RGL1: variants seen among roughly 807,000 people sequenced by gnomAD.
RGL1 encodes the protein ral guanine nucleotide dissociation stimulator-like 1.
In RGL1, 24 loss-of-function variants were observed where a neutral mutation model predicts 95.2. The observed-to-expected ratio is 0.25, with a 90% CI of 0.18 to 0.35. RGL1 has a LOEUF of 0.35. RGL1 is among the 10% of genes least tolerant of loss of function. The probability of loss-of-function intolerance (pLI) is 1.00; values close to 1 mark genes in which losing one functional copy is unlikely to be tolerated. For synonymous variants in RGL1, 329 were observed against 344.9 expected, an observed-to-expected ratio of 0.95 and a Z score of 0.51; for missense variants, 715 against 936.3, an observed-to-expected ratio of 0.76 and a Z score of 3.08.
At chr1:183,826,886 A>G (rs1031741566) in intron 2 of RGL1, among the ~76,000 whole-genome samples, 4 of 152,120 alleles carry the variant, frequency 2.6e-5, no homozygotes, top group Non-Finnish European at 5.9e-5. Flanking sequence ...ATGAATGACC[A>G]TTATTATGTG....
chr1:183,826,152 C>A (rs1316004608), intron 2 of RGL1, among the ~76,000 whole-genome samples: 1 of 151,830 alleles, frequency 6.6e-6, no homozygotes, highest in African/African-American at 2.4e-5. Context: ...CTCCCTGGTT[C>A]ATGCCATTCT....
chr1:183,680,621 G>T lies in RGL1; in HGVS notation c.-33+44120G>T, dbSNP rs1653148294. Among the ~76,000 whole-genome samples the T allele has an allele frequency of 3.3e-5, 5 of 152,124 alleles. No homozygotes were observed. In the South Asian group the frequency reaches 1.0e-3, roughly 31 times the overall value. The stretch of plus-strand genomic sequence containing the variant: ...GAAGTCAGGTAGCGTGATGCCTCCA[G>T]CTTTGTTCTTTTTGCTTAGGATTGT... On this transcript the variant is annotated intron_variant, in intron 1 of 18. Coordinates refer to the RGL1 transcript ENST00000304685.
chr1:183,672,420 A>G (rs1475061239), intron 1 of RGL1, among the ~76,000 whole-genome samples: 1 of 151,928 alleles, frequency 6.6e-6, no homozygotes. Context: ...CTCTTTTCCC[A>G]TCTTTTGGAA....
At chr1:183,648,849 A>G in intron 1 of RGL1, 1 of 1,287,134 alleles carries the variant, frequency 7.8e-7, no homozygotes, top group African/African-American at 1.5e-5. Flanking sequence ...AAACCAGCGC[A>G]GGAAAAACTG....
At chr1:183,667,034 C>T (rs187187025) in intron 1 of RGL1, among the ~76,000 whole-genome samples, 71 of 152,304 alleles carry the variant, frequency 4.7e-4, no homozygotes, top group Middle Eastern at 3.4e-3. Flanking sequence ...TGTTGTTAGG[C>T]ACACACACAT....
chr1:183,906,987 C>T, intron 13 of RGL1, 25 bp from the exon 14 acceptor site: 1 of 1,397,256 alleles, frequency 7.2e-7, no homozygotes, highest in South Asian at 1.2e-5. Context: ...ACTTTGACCT[C>T]ATGGAGCCCC....
At chr1:183,791,840 G>A (rs904870357) in intron 2 of RGL1, among the ~76,000 whole-genome samples, 31 of 151,936 alleles carry the variant, frequency 2.0e-4, no homozygotes, top group African/African-American at 5.1e-4. Context: ...CCTCTTGCTC[G>A]TTTCCCTGAT....
chr1:183,916,359 T>G, intron 15 of RGL1, 88 bp from the exon 16 acceptor site: 2 of 1,494,422 alleles, frequency 1.3e-6, no homozygotes, highest in Non-Finnish European at 1.8e-6. Context: ...AGTCTATCAG[T>G]CTTGATATCT....
At chr1:183,642,032 T>C (rs188717993) in intron 1 of RGL1, among the ~76,000 whole-genome samples, 13 of 150,524 alleles carry the variant, frequency 8.6e-5, no homozygotes, top group African/African-American at 2.7e-4. Context: ...AAGCAAAACA[T>C]TGAAATCAAC....
At chr1:183,920,098 G>A (rs915809236) in intron 16 of RGL1, among the ~76,000 whole-genome samples, 3 of 151,526 alleles carry the variant, frequency 2.0e-5, no homozygotes, top group African/African-American at 4.9e-5. Flanking sequence ...GCAATGGCAC[G>A]ATCTCAGCTC....
intron 1 of RGL1, among the ~76,000 whole-genome samples, chr1:183,728,023 A>G (rs191827799): frequency 6.6e-6 from 1 of 152,144 alleles, no homozygotes; most frequent in Admixed American, 6.6e-5. Context: ...TCCCCAGTGT[A>G]TATGGGCCTC....
chr1:183,920,603 A>G lies in RGL1; in HGVS notation c.2005-1619A>G, dbSNP rs550799859. On this transcript the variant is annotated intron_variant, in intron 16 of 17. Coordinates refer to ENST00000360851, the MANE Select transcript of RGL1 (RefSeq NM_001297671.3). ...AATGAAGGTAGCCTGGCTGTCTCAT[A>G]TGACTTACCCACCTTAGCCTGACAT... Among the ~76,000 whole-genome samples the G allele has an allele frequency of 2.0e-5, 3 of 152,324 alleles. No homozygotes were observed. The East Asian group carries it at 5.8e-4, about 29-fold the overall frequency.
intron 2 of RGL1, chr1:183,754,654 A>T (rs564102920): frequency 3.5e-4 from 54 of 152,348 alleles, no homozygotes; most frequent in African/African-American, 1.3e-3. Flanking sequence ...CATGCATTGT[A>T]TTAGTTTACC....
chr1:183,774,574 C>CTTTT (rs61380355), intron 2 of RGL1, among the ~76,000 whole-genome samples: 1 of 100,928 alleles, frequency 9.9e-6, no homozygotes, highest in Non-Finnish European at 2.0e-5. Context: ...TTCTTTTTTC[C>CTTTT]TTTTTTTTTT....
chr1:183,648,127 C>T, intron 1 of RGL1: 2 of 1,614,216 alleles, frequency 1.2e-6, no homozygotes, highest in Non-Finnish European at 1.7e-6. Flanking sequence ...TCAGCCAGTG[C>T]TCTCCCAGTT....
chr1:183,755,966 C>T (rs1658309600), intron 2 of RGL1, among the ~76,000 whole-genome samples: 1 of 151,534 alleles, frequency 6.6e-6, no homozygotes, highest in Admixed American at 6.6e-5. Context: ...TCACTGCAAC[C>T]TCTGCCTCCC....
At chr1:183,661,774 C>T (rs995394175) in intron 1 of RGL1, among the ~76,000 whole-genome samples, 17 of 151,000 alleles carry the variant, frequency 1.1e-4, no homozygotes, top group Non-Finnish European at 1.9e-4. Flanking sequence ...GAATTTTAGA[C>T]CAATATCCTT....
At chr1:183,697,223 GT>G in intron 1 of RGL1, among the ~76,000 whole-genome samples, 1 of 152,170 alleles carries the variant, frequency 6.6e-6, no homozygotes, top group South Asian at 2.1e-4. Flanking sequence ...TTTCTTTCAA[GT>G]CTTTGCTTAG....
chr1:183,811,211 A>G (rs1448659842), intron 2 of RGL1, among the ~76,000 whole-genome samples: 4 of 152,218 alleles, frequency 2.6e-5, no homozygotes, highest in Non-Finnish European at 5.9e-5. Context: ...CAAAGGTATC[A>G]ATTATTCATT....
Sources: gnomAD v4.1 joint callset for allele counts (sites outside exome capture counted in the v4.1 genomes callset) on GRCh38, gnomAD v4.1.1 for gene constraint, MANE v1.5 for transcripts, NCBI Gene and HGNC (gene_info 2026-07-23, HGNC 2026-07-21) for gene names.